XYLT1: variants seen among roughly 807,000 people sequenced by gnomAD.
XYLT1 encodes the protein xylosyltransferase 1, also known as beta-D-xylosyltransferase 1.
Under a neutral mutation model 91.3 loss-of-function variants are expected in XYLT1, and 36 were observed. The ratio of observed to expected loss-of-function variants is 0.39; its 90% confidence interval spans 0.30 to 0.52. The LOEUF is 0.52. Ranked by LOEUF, XYLT1 falls within the 20% of genes least tolerant of loss-of-function variation. The pLI, the probability that XYLT1 is intolerant of heterozygous loss-of-function variation, is 0.68. For missense variants in XYLT1, 1,242 were observed against 1,284.5 expected, an observed-to-expected ratio of 0.97 and a Z score of 0.51; for synonymous variants, 588 against 532.0, an observed-to-expected ratio of 1.11 and a Z score of -1.45.
intron 10 of XYLT1, among the ~76,000 whole-genome samples, chr16:17,122,117 GC>G (rs1434132700): frequency 1.3e-5 from 2 of 152,128 alleles, no homozygotes; most frequent in African/African-American, 4.8e-5. Flanking sequence ...CTGGTAGATA[GC>G]CCACAGTGGA....
chr16:17,426,609 G>T (rs1377411443), intron 1 of XYLT1, among the ~76,000 whole-genome samples: 1 of 152,202 alleles, frequency 6.6e-6, no homozygotes, highest in Non-Finnish European at 1.5e-5. Context: ...AGCAAACTTT[G>T]ACCAGTGAGT....
At chr16:17,294,455 C>T (rs539492002) in intron 2 of XYLT1, among the ~76,000 whole-genome samples, 3 of 152,212 alleles carry the variant, frequency 2.0e-5, no homozygotes, top group African/African-American at 7.2e-5. Context: ...TTCCGCCACT[C>T]TCATGCCACA....
At chr16:17,318,264 CGG>C (rs780341663) in intron 2 of XYLT1, among the ~76,000 whole-genome samples, 2 of 152,160 alleles carry the variant, frequency 1.3e-5, no homozygotes, top group Non-Finnish European at 2.9e-5. Context: ...ACTCCAAAGC[CGG>C]GGCTCTTAAC....
At chr16:17,142,732 TGC>T (rs2031018559) in intron 6 of XYLT1, among the ~76,000 whole-genome samples, 1 of 152,202 alleles carries the variant, frequency 6.6e-6, no homozygotes, top group Admixed American at 6.5e-5. Flanking sequence ...TGTAAGCCAT[TGC>T]GCCTGGCCTA....
chr16:17,220,387 A>G (rs774164878), intron 3 of XYLT1, among the ~76,000 whole-genome samples: 2 of 152,178 alleles, frequency 1.3e-5, no homozygotes, highest in Non-Finnish European at 2.9e-5. Flanking sequence ...GCGTTCTCAT[A>G]TAACACACTT....
chr16:17,398,724 A>T (rs2035921976), intron 1 of XYLT1, among the ~76,000 whole-genome samples: 1 of 151,032 alleles, frequency 6.6e-6, no homozygotes, highest in Non-Finnish European at 1.5e-5. Flanking sequence ...GGGAATCTTG[A>T]ATGTTCCTTC....
At chr16:17,434,586 A>G (rs1348837095) in intron 1 of XYLT1, among the ~76,000 whole-genome samples, 4 of 152,250 alleles carry the variant, frequency 2.6e-5, no homozygotes, top group African/African-American at 9.6e-5. Context: ...GCCAGGCACA[A>G]TGGCTCATGC....
At chr16:17,411,462 C>T (rs1448497319) in intron 1 of XYLT1, among the ~76,000 whole-genome samples, 1 of 152,086 alleles carries the variant, frequency 6.6e-6, no homozygotes, top group African/African-American at 2.4e-5. Context: ...AAAAAATGCC[C>T]AGTCACTAAA....
At chr16:17,425,430 C>A (rs1487099454) in intron 1 of XYLT1, among the ~76,000 whole-genome samples, 4 of 152,116 alleles carry the variant, frequency 2.6e-5, no homozygotes, top group Non-Finnish European at 4.4e-5. Flanking sequence ...CAAATGTCGA[C>A]CCACTCTAGA....
chr16:17,429,486 T>G (rs2036362904), intron 1 of XYLT1, among the ~76,000 whole-genome samples: 1 of 152,174 alleles, frequency 6.6e-6, no homozygotes, highest in African/African-American at 2.4e-5. Context: ...AATGGCTACA[T>G]TAAGTTGTAG....
chr16:17,143,036 G>C (rs1450165144), intron 6 of XYLT1, among the ~76,000 whole-genome samples: 1 of 152,012 alleles, frequency 6.6e-6, no homozygotes, highest in East Asian at 1.9e-4. Flanking sequence ...ATCTTGTTTA[G>C]AATTTTGCAA....
At chr16:17,436,008 C>G (rs2036454658) in intron 1 of XYLT1, among the ~76,000 whole-genome samples, 1 of 152,152 alleles carries the variant, frequency 6.6e-6, no homozygotes, top group Non-Finnish European at 1.5e-5. Context: ...GTGGAGATAA[C>G]TGAATCATGG....
intron 3 of XYLT1, among the ~76,000 whole-genome samples, chr16:17,223,029 C>G (rs1435002952): frequency 1.4e-5 from 2 of 144,438 alleles, no homozygotes; most frequent in Non-Finnish European, 3.0e-5. Context: ...GAGGCAACTG[C>G]GCCAGGAAAA....
intron 1 of XYLT1, among the ~76,000 whole-genome samples, chr16:17,451,372 C>T (rs550475823): frequency 2.6e-5 from 4 of 152,234 alleles, no homozygotes; most frequent in African/African-American, 9.6e-5. Flanking sequence ...CTCTTTGTTT[C>T]ATCTTAAATG....
At chr16:17,289,242 A>C (rs2034187164) in intron 2 of XYLT1, among the ~76,000 whole-genome samples, 1 of 152,214 alleles carries the variant, frequency 6.6e-6, no homozygotes, top group Non-Finnish European at 1.5e-5. Flanking sequence ...TTTATTTCTA[A>C]AAACAGGTGG....
chr16:17,289,400 C>G (rs1489035572), intron 2 of XYLT1, among the ~76,000 whole-genome samples: 1 of 152,076 alleles, frequency 6.6e-6, no homozygotes, highest in Non-Finnish European at 1.5e-5. Flanking sequence ...CATAAAATCC[C>G]GCAATTGTCT....
intron 2 of XYLT1, among the ~76,000 whole-genome samples, chr16:17,316,243 C>T (rs916939295): frequency 6.6e-6 from 1 of 152,108 alleles, no homozygotes; most frequent in South Asian, 2.1e-4. Flanking sequence ...CACATGTCAT[C>T]GGAGCCCTGG....
intron 1 of XYLT1, among the ~76,000 whole-genome samples, chr16:17,369,364 C>T (rs1232521588): frequency 6.6e-6 from 1 of 152,050 alleles, no homozygotes; most frequent in African/African-American, 2.4e-5. Flanking sequence ...TCATGATATT[C>T]TGATTTGTGG....
intron 2 of XYLT1, among the ~76,000 whole-genome samples, chr16:17,279,160 G>A (rs936345): frequency 0.56 from 85,790 of 152,008 alleles, 27,263 homozygotes; most frequent in African/African-American, 0.87. Context: ...AAGAGGCAGC[G>A]CGGCTCTGTG....
Sources: gnomAD v4.1 joint callset for allele counts (sites outside exome capture counted in the v4.1 genomes callset) on GRCh38, gnomAD v4.1.1 for gene constraint, MANE v1.5 for transcripts, NCBI Gene and HGNC (gene_info 2026-07-23, HGNC 2026-07-21) for gene names.